Variants in SCAF4 observed in about 807,000 individuals in gnomAD.
SCAF4 encodes the protein SR-related CTD associated factor 4, also known as SR-related and CTD-associated factor 4.
SCAF4 carries 25 observed loss-of-function variants against 129.8 expected under a neutral mutation model. The observed-to-expected ratio is 0.19, with a 90% CI of 0.14 to 0.27. The LOEUF is 0.27. Ranked by LOEUF, SCAF4 falls within the 10% of genes least tolerant of loss-of-function variation. The probability of loss-of-function intolerance (pLI) is 1.00; values close to 1 mark genes in which losing one functional copy is unlikely to be tolerated. For missense variants in SCAF4, 1,246 were observed against 1,457.1 expected (o/e 0.86, Z 2.36); for synonymous variants, 551 against 497.7 (o/e 1.11, Z -1.43).
intron 14 of SCAF4, 140 bp downstream of exon 14, chr21:31,691,677 A>AG (rs1413458962): frequency 2.6e-6 from 1 of 386,088 alleles, no homozygotes; most frequent in Non-Finnish European, 4.6e-6. Flanking sequence ...TTCTTTAAAA[A>AG]AAAAAAAAAA....
At chr21:31,700,675 AC>A (rs1293042513) in intron 7 of SCAF4, 1 of 335,836 alleles carries the variant, frequency 3.0e-6, no homozygotes, top group Non-Finnish European at 5.6e-6. Flanking sequence ...GCAAAATGTT[AC>A]ACAGTAATCC....
At chr21:31,717,554 A>G (rs188594102) in intron 1 of SCAF4, among the ~76,000 whole-genome samples, 8 of 152,244 alleles carry the variant, frequency 5.3e-5, no homozygotes, top group Admixed American at 5.2e-4. Flanking sequence ...TATAAATATA[A>G]CTAAGTGATA....
chr21:31,713,388 T>C (rs1009622594), intron 1 of SCAF4, among the ~76,000 whole-genome samples: 5 of 152,214 alleles, frequency 3.3e-5, no homozygotes, highest in Non-Finnish European at 2.9e-5. Context: ...CTTATTTAGT[T>C]AAGTCTAAGA....
Position 31,703,716 on chromosome 21 carries a change from A to T in SCAF4, c.321+49T>A, listed in dbSNP as rs1362892758. 2.9e-6 allele frequency: 3 copies of T among 1,037,780 alleles called. No homozygotes were observed. In the East Asian group the frequency reaches 8.0e-5, roughly 28 times the overall value. 64.3% of individuals were successfully genotyped at this position (1,037,780 alleles called of 1,614,324 possible). A position where few individuals can be genotyped will look rare whatever the true frequency, so the allele number is the denominator to read the frequency against. On this transcript the variant is annotated intron_variant, in intron 4 of 19. Coordinates refer to ENST00000286835, the MANE Select transcript of SCAF4 (RefSeq NM_020706.2). Reference sequence around the variant, plus strand: ...CTCCAAATATCTAACATACATTTAAAATAATATTTTTTAAAGAATACAAGT... The same window carrying T: ...CTCCAAATATCTAACATACATTTAATATAATATTTTTTAAAGAATACAAGT...
intron 1 of SCAF4, among the ~76,000 whole-genome samples, chr21:31,716,695 C>CT (rs747455923): frequency 4.7e-4 from 72 of 152,192 alleles, no homozygotes; most frequent in Non-Finnish European, 6.8e-4. Context: ...AACACTACTG[C>CT]TAGAACAACT....
intron 19 of SCAF4, among the ~76,000 whole-genome samples, chr21:31,676,578 G>A (rs1329676546): frequency 2.0e-5 from 3 of 152,052 alleles, no homozygotes; most frequent in Non-Finnish European, 4.4e-5. Flanking sequence ...CCTTCATTCT[G>A]GCCAGTAATC....
intron 16 of SCAF4, among the ~76,000 whole-genome samples, chr21:31,686,626 C>T (rs1233895087): frequency 6.6e-6 from 1 of 151,988 alleles, no homozygotes; most frequent in Non-Finnish European, 1.5e-5. Context: ...TTTAACAACC[C>T]CCCCAGCCAC....
intron 16 of SCAF4, among the ~76,000 whole-genome samples, chr21:31,686,217 G>GAA (rs78764330): frequency 1.1e-4 from 10 of 88,900 alleles, no homozygotes; most frequent in African/African-American, 3.9e-4. Flanking sequence ...AAAAAAAAAA[G>GAA]AAAAAAAAAA....
chr21:31,687,083 T>C (rs951043390), intron 16 of SCAF4, among the ~76,000 whole-genome samples: 12 of 152,140 alleles, frequency 7.9e-5, no homozygotes, highest in Non-Finnish European at 1.6e-4. Flanking sequence ...CAGCCAAGAA[T>C]GTACCAAAGC....
At chr21:31,685,320 A>T in intron 18 of SCAF4, 78 bp downstream of exon 18, 3 of 1,494,780 alleles carry the variant, frequency 2.0e-6, no homozygotes, top group Non-Finnish European at 2.8e-6. Flanking sequence ...CATACTATAG[A>T]TCCTATTACC....
Position 31,696,182 on chromosome 21 carries a change from T to C in SCAF4, c.999A>G (p.Thr333=). The C allele has an allele frequency of 6.2e-7, 1 of 1,614,054 alleles. No individual in the cohort carries two copies. The highest frequency in any genetic ancestry group is 8.5e-7 in the Non-Finnish European group (1 of 1,179,986). ...GAAACTGATCCATATTTTGATGCTG[T>C]GTGTATGCTGGCTGCTGCATGCCAT... ...PGDGMQQPAY[T]QHQNMDQFQP... The change falls in exon 9 of 20, where the codon ACA becomes ACG. Residue 333 remains threonine, a synonymous_variant. Transcript: ENST00000286835.
chr21:31,708,425 T>A (rs2050721284), intron 1 of SCAF4, among the ~76,000 whole-genome samples: 1 of 151,068 alleles, frequency 6.6e-6, no homozygotes, highest in African/African-American at 2.4e-5. Context: ...AAATAACAAA[T>A]CCTTAAAATT....
At chr21:31,721,725 C>CTTTTTTT (rs1030749806) in intron 1 of SCAF4, among the ~76,000 whole-genome samples, 1 of 125,450 alleles carries the variant, frequency 8.0e-6, no homozygotes, top group Non-Finnish European at 1.7e-5. Context: ...AAGAGCAATT[C>CTTTTTTT]TTTTTTTTTT....
rs1568830381 is a variant in SCAF4, at chr21:31,685,711, G to A, written c.2066C>T (p.Pro689Leu). ...CGGCTGGAGAGCACCAACTACAGGT[G>A]GACCCGGTTGATGTGGTGGGACCTA... ...PPQVPPHQPG[P>L]PVVGALQPPA... The change falls in exon 17 of 20, where the codon CCA (proline) becomes CTA (leucine). Residue 689 changes from proline to leucine, a missense_variant. Physicochemically the swap from Pro to Leu is moderately conservative, Grantham distance 98 (BLOSUM62 -3). This residue lies in a region of SCAF4 where 468 missense variants were observed against 605.5 expected (regional missense o/e 0.77). Coordinates refer to ENST00000286835, the MANE Select transcript of SCAF4 (RefSeq NM_020706.2). 5 of 1,604,494 alleles carry A rather than the reference G, an allele frequency of 3.1e-6. No homozygotes were observed. Among genetic ancestry groups the A allele is most frequent in the Non-Finnish European group, 4.3e-6 (5 of 1,176,092 alleles).
intron 8 of SCAF4, 80 bp downstream of exon 8, chr21:31,696,489 C>A: frequency 7.9e-7 from 1 of 1,273,700 alleles, no homozygotes; most frequent in South Asian, 1.6e-5. Context: ...ACATTGTTGT[C>A]ATTGCTAAAT....
At chr21:31,705,166 GCAC>G (rs1346531518) in intron 3 of SCAF4, among the ~76,000 whole-genome samples, 2 of 152,170 alleles carry the variant, frequency 1.3e-5, no homozygotes, top group African/African-American at 4.8e-5. Context: ...GGTAGAGTAA[GCAC>G]TTCAGGTTTA....
At chr21:31,694,030 T>G (rs1397829537) in intron 11 of SCAF4, among the ~76,000 whole-genome samples, 174 bp downstream of exon 11, 2 of 144,984 alleles carry the variant, frequency 1.4e-5, no homozygotes, top group African/African-American at 5.1e-5. Context: ...AATGATGTAG[T>G]TTTTTTTTTT....
At position 31,671,948 on chromosome 21, in the gene SCAF4, C is replaced by T. The variant is rs1568816514; in HGVS notation, c.2895G>A (p.Gln965=). 6.2e-7 allele frequency: 1 copy of T among 1,600,416 alleles called. No homozygotes were observed. Among genetic ancestry groups the T allele is most frequent in the Admixed American group, 1.7e-5 (1 of 59,900 alleles). Residue 965 remains glutamine (Q), a synonymous_variant, in exon 20 of 20, where the codon CAG becomes CAA. Transcript: ENST00000286835. The part of the protein sequence containing the change: ...APQQPQQQQQ[Q]QPPPSQQPPP... Reference sequence around the variant, plus strand: ...GAGGCTGTTGTGATGGTGGTGGCTGCTGCTGCTGCTGCTGCTGTGGTTGCT... The same window carrying T: ...GAGGCTGTTGTGATGGTGGTGGCTGTTGCTGCTGCTGCTGCTGTGGTTGCT...
intron 7 of SCAF4, among the ~76,000 whole-genome samples, chr21:31,698,552 C>G (rs2050443225): frequency 6.6e-6 from 1 of 152,154 alleles, no homozygotes; most frequent in African/African-American, 2.4e-5. Flanking sequence ...GCTGTACAGT[C>G]AAACACTAAT....
Sources: allele counts gnomAD v4.1 joint callset (sites outside exome capture counted in the v4.1 genomes callset), GRCh38; gene constraint gnomAD v4.1.1; regional missense constraint gnomAD v4.1.1; transcripts MANE v1.5; gene names NCBI Gene and HGNC (gene_info 2026-07-23, HGNC 2026-07-21).